The following FAM110B variants were observed in gnomAD, a reference collection of about 807,000 sequenced individuals.
The protein encoded by FAM110B is family with sequence similarity 110 member B, also known as protein FAM110B.
In FAM110B, 6 loss-of-function variants were observed where a neutral mutation model predicts 20.4. The observed-to-expected ratio is 0.29, with a 90% CI of 0.16 to 0.58. FAM110B has a LOEUF of 0.58. Ranked by LOEUF, FAM110B falls within the 20% of genes least tolerant of loss-of-function variation. The probability of loss-of-function intolerance (pLI) is 0.90; values close to 1 mark genes in which losing one functional copy is unlikely to be tolerated. For missense variants in FAM110B, 434 were observed against 498.2 expected (o/e 0.87, Z 1.23); for synonymous variants, 226 against 214.1 (o/e 1.06, Z -0.49).
At chr8:58,112,734 T>C (rs909838117) in intron 3 of FAM110B, among the ~76,000 whole-genome samples, 5 of 152,226 alleles carry the variant, frequency 3.3e-5, no homozygotes, top group African/African-American at 1.2e-4. Flanking sequence ...CAATATATTC[T>C]TAAGATTCCC....
At chr8:58,022,379 A>G (rs182792657) in intron 1 of FAM110B, among the ~76,000 whole-genome samples, 1 of 152,286 alleles carries the variant, frequency 6.6e-6, no homozygotes, top group East Asian at 1.9e-4. Flanking sequence ...GTAGGCAGGA[A>G]GAAGTAGGGG....
intron 2 of FAM110B, among the ~76,000 whole-genome samples, chr8:58,045,063 G>A (rs1273366601): frequency 2.0e-5 from 3 of 152,152 alleles, no homozygotes; most frequent in Non-Finnish European, 2.9e-5. Context: ...TAGTGGAGTG[G>A]AATTCATTGT....
chr8:58,144,682 G>T (rs6985829), intron 3 of FAM110B, among the ~76,000 whole-genome samples: 9,603 of 152,256 alleles, frequency 0.063, 329 homozygotes, highest in African/African-American at 0.069. Flanking sequence ...TGGCATGTTA[G>T]TTGAATAGGT....
intron 2 of FAM110B, among the ~76,000 whole-genome samples, chr8:58,063,610 C>G (rs1418490582): frequency 6.6e-6 from 1 of 152,130 alleles, no homozygotes; most frequent in African/African-American, 2.4e-5. Flanking sequence ...ATCAATTGAG[C>G]ATCATGTTGG....
At chr8:58,024,578 G>A (rs1804818131) in intron 1 of FAM110B, among the ~76,000 whole-genome samples, 1 of 152,136 alleles carries the variant, frequency 6.6e-6, no homozygotes, top group Non-Finnish European at 1.5e-5. Context: ...TTTGTCCAAG[G>A]TACGTTATGA....
intron 3 of FAM110B, among the ~76,000 whole-genome samples, chr8:58,107,827 AGCAT>A (rs971566564): frequency 1.3e-5 from 2 of 152,214 alleles, no homozygotes; most frequent in African/African-American, 4.8e-5. Flanking sequence ...TCATTCTGAC[AGCAT>A]GCTTGGTTAC....
intron 2 of FAM110B, among the ~76,000 whole-genome samples, chr8:58,074,067 C>T (rs1464631602): frequency 1.3e-5 from 2 of 152,102 alleles, no homozygotes; most frequent in Non-Finnish European, 2.9e-5. Flanking sequence ...TTTTCAAACC[C>T]TGTAAAATGC....
chr8:58,061,182 G>A (rs980647685), intron 2 of FAM110B, among the ~76,000 whole-genome samples: 8 of 152,074 alleles, frequency 5.3e-5, no homozygotes, highest in Admixed American at 1.3e-4. Context: ...GGGAGAAGAC[G>A]GTTAAAATTA....
chr8:58,093,937 G>A (rs1030159725), intron 3 of FAM110B, among the ~76,000 whole-genome samples: 19 of 152,178 alleles, frequency 1.2e-4, no homozygotes, highest in South Asian at 4.1e-4. Context: ...GCAATGGTTC[G>A]TAGTTCTCCT....
chr8:58,017,966 C>T (rs1281076245), intron 1 of FAM110B, among the ~76,000 whole-genome samples: 1 of 152,086 alleles, frequency 6.6e-6, no homozygotes, highest in Non-Finnish European at 1.5e-5. Context: ...TTAAGGATTG[C>T]TCTGTATGTC....
rs148916267 is a variant in FAM110B, at chr8:58,005,311, C to T, written c.-512+10505C>T. ...TACATTTATTGGTTATGTTTGCTAT[C>T]TTTTGTGGTTACGGTTTGTAGTGCC... On this transcript the variant is annotated intron_variant, in intron 1 of 3. Transcript: ENST00000519262. Among the ~76,000 whole-genome samples the T allele has an allele frequency of 5.7e-3, 868 of 152,270 alleles. 3 individuals carry two copies. The highest frequency in any genetic ancestry group is 8.7e-3 in the Non-Finnish European group (590 of 68,022).
chr8:58,042,199 G>A (rs1489967033), intron 2 of FAM110B, among the ~76,000 whole-genome samples: 2 of 152,128 alleles, frequency 1.3e-5, no homozygotes, highest in Non-Finnish European at 2.9e-5. Context: ...CTAGTGTATG[G>A]TACTAATTGC....
intron 3 of FAM110B, among the ~76,000 whole-genome samples, chr8:58,110,718 C>T (rs1391328243): frequency 1.3e-5 from 2 of 152,036 alleles, no homozygotes; most frequent in Non-Finnish European, 1.5e-5. Flanking sequence ...TTTCAAATGT[C>T]GATCAACAGG....
intron 1 of FAM110B, among the ~76,000 whole-genome samples, chr8:58,018,131 AT>A (rs1043171526): frequency 1.3e-5 from 2 of 152,156 alleles, no homozygotes; most frequent in African/African-American, 4.8e-5. Context: ...AATGTATTTA[AT>A]TTTTTAATAT....
At chr8:58,059,251 G>A (rs1163301349) in intron 2 of FAM110B, among the ~76,000 whole-genome samples, 1 of 152,154 alleles carries the variant, frequency 6.6e-6, no homozygotes, top group Non-Finnish European at 1.5e-5. Flanking sequence ...AAATATTGTT[G>A]AATAAGTCTT....
chr8:58,050,366 C>A (rs2150580553), intron 2 of FAM110B, among the ~76,000 whole-genome samples: 1 of 152,244 alleles, frequency 6.6e-6, no homozygotes, highest in East Asian at 1.9e-4. Context: ...ACAGACAGTA[C>A]CCATTTCTTA....
intron 3 of FAM110B, among the ~76,000 whole-genome samples, chr8:58,082,665 C>A (rs541489317): frequency 6.6e-6 from 1 of 152,056 alleles, no homozygotes; most frequent in Non-Finnish European, 1.5e-5. Flanking sequence ...CAGAATATAG[C>A]AAACTACAGA....
intron 2 of FAM110B, among the ~76,000 whole-genome samples, chr8:58,069,778 C>A (rs1805847542): frequency 2.6e-5 from 4 of 152,116 alleles, no homozygotes; most frequent in Non-Finnish European, 5.9e-5. Context: ...GATTTTATAG[C>A]ACCACTATTA....
At chr8:58,025,125 CAG>C (rs1356442116) in intron 1 of FAM110B, among the ~76,000 whole-genome samples, 1 of 152,084 alleles carries the variant, frequency 6.6e-6, no homozygotes, top group African/African-American at 2.4e-5. Context: ...GATAACCAGG[CAG>C]GGGTTTGTGG....
Sources: gnomAD v4.1 joint callset for allele counts (sites outside exome capture counted in the v4.1 genomes callset) on GRCh38, gnomAD v4.1.1 for gene constraint, MANE v1.5 for transcripts, NCBI Gene and HGNC (gene_info 2026-07-23, HGNC 2026-07-21) for gene names.